KIAA0825: variants seen among roughly 807,000 people sequenced by gnomAD.
The protein encoded by KIAA0825 is KIAA0825.
KIAA0825 carries 119 observed loss-of-function variants against 147.6 expected under a neutral mutation model. The observed-to-expected ratio is 0.81, with a 90% confidence interval of 0.69 to 0.94. The LOEUF (loss-of-function observed/expected upper bound fraction) is 0.94. Ranked by LOEUF, KIAA0825 falls within the 40% of genes least tolerant of loss-of-function variation. KIAA0825 has a pLI of 0.00. For synonymous variants in KIAA0825, 470 were observed against 518.1 expected (o/e 0.91, Z 1.26); for missense variants, 1,381 against 1,472.7 (o/e 0.94, Z 1.02).
chr5:94,441,331 T>C (rs991245022), intron 13 of KIAA0825, among the ~76,000 whole-genome samples: 5 of 152,096 alleles, frequency 3.3e-5, no homozygotes, highest in African/African-American at 4.8e-5. Flanking sequence ...GGAGATTCTG[T>C]TGCATGCATG....
In KIAA0825 at chr5:94,452,952, C is replaced by T. The variant is rs1758608302; in HGVS notation, c.2357+7G>A. On this transcript the variant is annotated splice_region_variant and intron_variant, in intron 13 of 20. Transcript: ENST00000682413. ...TTATAGATAGTATGGCATTTAGAGG[C>T]TCTCACCTGAGTAAAGAAGGGTAGA... is the stretch of plus-strand genomic sequence containing the variant. 1 of 1,393,116 alleles carries T rather than the reference C, an allele frequency of 7.2e-7. No individual in the cohort carries two copies. Among genetic ancestry groups the T allele is most frequent in the East Asian group, 2.7e-5 (1 of 36,600 alleles). 86.3% of individuals were successfully genotyped at this position (1,393,116 alleles called of 1,614,324 possible). A position where few individuals can be genotyped will look rare whatever the true frequency, so the allele number is the denominator to read the frequency against.
chr5:94,188,324 T>A (rs1770348912), intron 20 of KIAA0825, among the ~76,000 whole-genome samples: 1 of 152,234 alleles, frequency 6.6e-6, no homozygotes, highest in South Asian at 2.1e-4. Flanking sequence ...AATTTGTAAG[T>A]ATTTGGACCT....
At position 94,520,782 on chromosome 5, in the gene KIAA0825, G is replaced by C. The variant is rs753610670; in HGVS notation, c.436C>G (p.Leu146Val). 6.2e-7 allele frequency: 1 copy of C among 1,613,216 alleles called. No individual in the cohort carries two copies. The highest frequency in any genetic ancestry group is 8.5e-7 in the Non-Finnish European group (1 of 1,179,386). The stretch of plus-strand genomic sequence containing the variant: ...GAGGAATTATCTTCAACAGAATGAA[G>C]AGACGTCCTAGAGAGGAAATGGAAA... ...TSFHFLSRTSLHSVEDNSSMD... is the reference protein window; with the variant it reads ...TSFHFLSRTSVHSVEDNSSMD... The change falls in exon 5 of 21, where the codon CTT becomes GTT. Residue 146 changes from leucine to valine, a missense_variant. Transcript: ENST00000682413.
intron 20 of KIAA0825, among the ~76,000 whole-genome samples, chr5:94,321,288 G>T (rs1431287815): frequency 6.6e-6 from 1 of 151,852 alleles, no homozygotes; most frequent in Non-Finnish European, 1.5e-5. Context: ...TTATTTACTT[G>T]TCATGTACTC....
chr5:94,386,589 C>A lies in KIAA0825; in HGVS notation c.3457-185G>T, dbSNP rs566018633. 3.6e-4 allele frequency among the ~76,000 whole-genome samples: 55 copies of A among 152,052 alleles called. 1 individual carries two copies. The South Asian group carries it at 0.011, about 32-fold the overall frequency. On this transcript the variant is annotated intron_variant, in intron 18 of 20. Transcript: ENST00000682413. ...AGTACCAATCAGCATTGCAATAAAC[C>A]CATCAAAAACAGGTTTACCTAATAT...
chr5:94,456,252 T>G (rs943792830), intron 12 of KIAA0825, among the ~76,000 whole-genome samples: 1 of 152,190 alleles, frequency 6.6e-6, no homozygotes, highest in Non-Finnish European at 1.5e-5. Context: ...TCTAGTTATC[T>G]GAGGGCCACT....
chr5:94,329,650 G>A (rs1239162308), intron 20 of KIAA0825, among the ~76,000 whole-genome samples: 1 of 152,084 alleles, frequency 6.6e-6, no homozygotes, highest in Non-Finnish European at 1.5e-5. Context: ...ATTACTTAAG[G>A]ACTGTGAAAA....
At chr5:94,406,332 C>A (rs141060310) in intron 15 of KIAA0825, among the ~76,000 whole-genome samples, 1 of 152,288 alleles carries the variant, frequency 6.6e-6, no homozygotes, top group East Asian at 1.9e-4. Flanking sequence ...CTGCAATGCA[C>A]TAGAATTAGA....
chr5:94,202,723 G>A (rs1297922131), intron 20 of KIAA0825, among the ~76,000 whole-genome samples: 1 of 152,178 alleles, frequency 6.6e-6, no homozygotes, highest in Non-Finnish European at 1.5e-5. Context: ...TATCAATTAA[G>A]TTATTATTTC....
intron 12 of KIAA0825, among the ~76,000 whole-genome samples, chr5:94,456,068 G>A (rs1315013904): frequency 2.0e-5 from 3 of 152,172 alleles, no homozygotes; most frequent in African/African-American, 7.2e-5. Flanking sequence ...GAGAAAGGCA[G>A]TCTCAAAGGA....
intron 6 of KIAA0825, 85 bp downstream of exon 6, chr5:94,484,684 A>C (rs761473467): frequency 1.5e-4 from 133 of 889,044 alleles, no homozygotes; most frequent in Non-Finnish European, 2.1e-4. Flanking sequence ...TGTTTTTTTC[A>C]AGTAATCGTT....
At chr5:94,451,771 A>G (rs938597145) in intron 13 of KIAA0825, among the ~76,000 whole-genome samples, 47 of 152,220 alleles carry the variant, frequency 3.1e-4, no homozygotes, top group African/African-American at 1.1e-3. Context: ...GGTTCCAGAT[A>G]TAAGATAAAA....
chr5:94,276,844 G>T (rs1202554933), intron 20 of KIAA0825, among the ~76,000 whole-genome samples: 1 of 152,024 alleles, frequency 6.6e-6, no homozygotes, highest in Non-Finnish European at 1.5e-5. Flanking sequence ...GTTATTCTCT[G>T]CAGAGGAGTT....
chr5:94,565,581 A>T (rs1778567407), intron 2 of KIAA0825, among the ~76,000 whole-genome samples: 1 of 151,884 alleles, frequency 6.6e-6, no homozygotes. Flanking sequence ...ACCTCAAGTG[A>T]TCCACCCCCG....
intron 20 of KIAA0825, among the ~76,000 whole-genome samples, chr5:94,361,995 C>T (rs1745127352): frequency 1.3e-5 from 2 of 152,180 alleles, no homozygotes; most frequent in African/African-American, 4.8e-5. Context: ...AAATCAGGTG[C>T]ACCTCTCTTA....
At chr5:94,224,188 G>T (rs1274029867) in intron 20 of KIAA0825, among the ~76,000 whole-genome samples, 6 of 144,850 alleles carry the variant, frequency 4.1e-5, no homozygotes, top group Non-Finnish European at 6.0e-5. Context: ...CCACCTCTGG[G>T]GTTGAAGTGA....
chr5:94,558,261 T>C (rs1477218650), intron 2 of KIAA0825, among the ~76,000 whole-genome samples: 1 of 152,186 alleles, frequency 6.6e-6, no homozygotes, highest in African/African-American at 2.4e-5. Flanking sequence ...CGCCACCATC[T>C]TGGGAGCTCT....
At chr5:94,364,250 G>A (rs1172905680) in intron 20 of KIAA0825, among the ~76,000 whole-genome samples, 1 of 151,778 alleles carries the variant, frequency 6.6e-6, no homozygotes, top group Non-Finnish European at 1.5e-5. Context: ...TGGGATGGAG[G>A]GCCTGAGTGG....
intron 2 of KIAA0825, among the ~76,000 whole-genome samples, chr5:94,577,482 A>AATTG (rs1781286944): frequency 1.3e-5 from 2 of 152,186 alleles, no homozygotes; most frequent in Admixed American, 6.5e-5. Context: ...AATACCAGGG[A>AATTG]CACTTGCTAA....
Sources: gnomAD v4.1 joint callset for allele counts (sites outside exome capture counted in the v4.1 genomes callset) on GRCh38, gnomAD v4.1.1 for gene constraint, MANE v1.5 for transcripts, NCBI Gene and HGNC (gene_info 2026-07-23, HGNC 2026-07-21) for gene names.